BBS5: variants seen among roughly 807,000 people sequenced by gnomAD.
BBS5 encodes the protein BBSome complex member BBS5.
BBS5 carries 39 observed loss-of-function variants against 50.2 expected under a neutral mutation model. The observed-to-expected ratio is 0.78, with a 90% confidence interval of 0.60 to 1.01. The LOEUF is 1.01. BBS5 is among the 50% of genes least tolerant of loss of function. The probability of loss-of-function intolerance (pLI) is 0.00; values close to 1 mark genes in which losing one functional copy is unlikely to be tolerated. For synonymous variants in BBS5, 134 were observed against 133.1 expected (o/e 1.01, Z -0.05); for missense variants, 356 against 401.5 (o/e 0.89, Z 0.97).
chr2:169,501,031 G>A (rs1683791903), intron 9 of BBS5, among the ~76,000 whole-genome samples: 1 of 152,110 alleles, frequency 6.6e-6, no homozygotes, highest in Non-Finnish European at 1.5e-5. Flanking sequence ...CAAATGCTAC[G>A]AGTGGAATTT....
At chr2:169,483,066 T>A (rs902371242) in intron 2 of BBS5, among the ~76,000 whole-genome samples, 4 of 152,126 alleles carry the variant, frequency 2.6e-5, no homozygotes, top group African/African-American at 9.7e-5. Flanking sequence ...GAGGGAGGGA[T>A]GTAAACCTCT....
In BBS5 at chr2:169,492,888, C is replaced by CT. The variant is rs1683624734; in HGVS notation, c.402dup (p.Lys135Ter). 6.2e-7 allele frequency: 1 copy of CT among 1,612,244 alleles called. No homozygotes were observed. Among genetic ancestry groups the CT allele is most frequent in the South Asian group, 1.1e-5 (1 of 91,024 alleles). On this transcript the variant is annotated frameshift_variant, in exon 6 of 12. Transcript: ENST00000295240. LOFTEE classifies it high-confidence loss of function. ...CTTTTTCATAGAGCTTATGAAACTT[C>CT]TAAAATGTATCGTGATTTTAAATTA...
At position 169,505,199 on chromosome 2, in the gene BBS5, C is replaced by T. The variant is rs1364970519; in HGVS notation, c.*617C>T. Reference sequence around the variant, plus strand: ...CTCCAGCTCCTAACCGCGAGTGATCCGCCAGCCTCGGCCTCCCGAGGTGCC... The same window carrying T: ...CTCCAGCTCCTAACCGCGAGTGATCTGCCAGCCTCGGCCTCCCGAGGTGCC... On this transcript the variant is annotated 3_prime_UTR_variant, in exon 12 of 12. Transcript: ENST00000295240. The T allele has an allele frequency of 5.1e-5, 27 of 534,406 alleles. No homozygotes were observed. Among genetic ancestry groups the T allele is most frequent in the Admixed American group, 1.1e-4 (4 of 35,398 alleles). The allele number at this position is 534,406 out of a possible 1,614,324, so 33.1% of individuals were successfully genotyped here. A position where few individuals can be genotyped will look rare whatever the true frequency, so the allele number is the denominator to read the frequency against.
intron 2 of BBS5, among the ~76,000 whole-genome samples, chr2:169,482,981 C>T (rs1683426936): frequency 6.6e-6 from 1 of 151,650 alleles, no homozygotes; most frequent in Non-Finnish European, 1.5e-5. Context: ...ATCATTACTT[C>T]CAAGGAAAAA....
intron 1 of BBS5, among the ~76,000 whole-genome samples, chr2:169,480,197 A>G (rs571653917): frequency 1.4e-4 from 22 of 152,334 alleles, no homozygotes; most frequent in African/African-American, 3.1e-4. Flanking sequence ...GTCACCAACA[A>G]GAAGGAGTCT....
At chr2:169,485,986 G>T (rs1015497103) in intron 2 of BBS5, among the ~76,000 whole-genome samples, 1 of 152,144 alleles carries the variant, frequency 6.6e-6, no homozygotes. Flanking sequence ...TCTGTTTTCC[G>T]TTGGACCAAT....
chr2:169,493,227 T>C, intron 6 of BBS5: 1 of 581,310 alleles, frequency 1.7e-6, no homozygotes, highest in Admixed American at 3.0e-5. Context: ...CCTTAATTAA[T>C]GAATAAAAAA....
intron 8 of BBS5, chr2:169,499,208 G>A (rs372106678): frequency 4.7e-4 from 180 of 379,056 alleles, no homozygotes; most frequent in African/African-American, 3.5e-3. Context: ...AGCCTGCGTT[G>A]GGGGAATGGT....
intron 6 of BBS5, 126 bp downstream of exon 6, chr2:169,493,135 T>C (rs1400680185): frequency 8.9e-7 from 1 of 1,124,612 alleles, no homozygotes; most frequent in Admixed American, 1.7e-5. Context: ...CGTATTACTT[T>C]TCAATAAGTA....
At chr2:169,502,968 A>G (rs1683836034) in intron 9 of BBS5, 127 bp from the exon 10 acceptor site, 1 of 748,766 alleles carries the variant, frequency 1.3e-6, no homozygotes, top group Non-Finnish European at 2.3e-6. Flanking sequence ...TTTTAATAAA[A>G]TAACAAATTA....
At chr2:169,493,650 G>T in intron 6 of BBS5, 91 bp from the exon 7 acceptor site, 1 of 886,216 alleles carries the variant, frequency 1.1e-6, no homozygotes, top group Non-Finnish European at 1.9e-6. Context: ...GGTATTATTT[G>T]CTGCTGTAAT....
In BBS5 at chr2:169,504,945, G is replaced by A; in HGVS notation, c.*363G>A. 6.2e-7 allele frequency: 1 copy of A among 1,613,772 alleles called. No individual in the cohort carries two copies. The highest frequency in any genetic ancestry group is 8.5e-7 in the Non-Finnish European group (1 of 1,179,954). ...GCCCAGTGGGTGGAGGTCCAAAGAG[G>A]ACTGGTGATCTACGTGTGCTTTTTC... On this transcript the variant is annotated 3_prime_UTR_variant, in exon 12 of 12. Coordinates refer to ENST00000295240, the MANE Select transcript of BBS5 (RefSeq NM_152384.3).
At chr2:169,499,340 T>A in intron 8 of BBS5, 146 bp from the exon 9 acceptor site, 1 of 862,740 alleles carries the variant, frequency 1.2e-6, no homozygotes. Context: ...GTGCTTGAAA[T>A]TTTTCATAAT....
chr2:169,501,771 C>T (rs1377291411), intron 9 of BBS5, among the ~76,000 whole-genome samples: 1 of 152,076 alleles, frequency 6.6e-6, no homozygotes, highest in Non-Finnish European at 1.5e-5. Context: ...AAGAGAAAAA[C>T]AGACATAATC....
chr2:169,485,216 C>A (rs915557367), intron 2 of BBS5, among the ~76,000 whole-genome samples: 8 of 151,732 alleles, frequency 5.3e-5, no homozygotes, highest in Non-Finnish European at 1.0e-4. Context: ...ATATAAAAAC[C>A]AAAAAAAGTT....
chr2:169,486,756 C>G (rs1683493986), intron 2 of BBS5, among the ~76,000 whole-genome samples: 1 of 152,042 alleles, frequency 6.6e-6, no homozygotes, highest in African/African-American at 2.4e-5. Flanking sequence ...TTGCTGGGAC[C>G]CAGAACAACT....
rs1683861681 is a variant in BBS5 at position 169,504,331 on chromosome 2, G to A, written c.924+5G>A. 18 of 1,612,218 alleles carry A rather than the reference G, an allele frequency of 1.1e-5. No individual in the cohort carries two copies. The highest frequency in any genetic ancestry group is 2.2e-5 in the East Asian group (1 of 44,832). On this transcript the variant is annotated splice_donor_5th_base_variant and intron_variant, in intron 11 of 11. Coordinates refer to ENST00000295240, the MANE Select transcript of BBS5 (RefSeq NM_152384.3). Reference sequence around the variant, plus strand: ...TATTTTGCTGATGGCAATAAGGTAAGGACATTTATTTTACCTACAGTATAT... The same window carrying A: ...TATTTTGCTGATGGCAATAAGGTAAAGACATTTATTTTACCTACAGTATAT...
chr2:169,492,383 G>A (rs1410625009), intron 5 of BBS5, among the ~76,000 whole-genome samples: 5 of 151,442 alleles, frequency 3.3e-5, no homozygotes, highest in East Asian at 2.0e-4. Flanking sequence ...CCAGCTACTC[G>A]GGAGGCTGAG....
intron 9 of BBS5, among the ~76,000 whole-genome samples, chr2:169,502,136 A>G (rs542361839): frequency 4.4e-4 from 67 of 152,294 alleles, no homozygotes; most frequent in South Asian, 1.7e-3. Flanking sequence ...CTTAATGGCT[A>G]TATCTCCAGC....
Sources: gnomAD v4.1 joint callset for allele counts (sites outside exome capture counted in the v4.1 genomes callset) on GRCh38, gnomAD v4.1.1 for gene constraint, MANE v1.5 for transcripts, NCBI Gene and HGNC (gene_info 2026-07-23, HGNC 2026-07-21) for gene names.